Variants in REDIC1 observed in about 807,000 individuals in gnomAD.
REDIC1 encodes the protein regulator of DNA class I crossover intermediates 1, also known as HEI10 Interacting Protein 1.
the REDIC1 span, among the ~76,000 whole-genome samples, chr12:39,882,065 A>T: frequency 6.6e-6 from 1 of 151,736 alleles, no homozygotes; most frequent in Admixed American, 6.6e-5. Flanking sequence ...CTGACATAAT[A>T]TGTCACTCTC....
chr12:39,846,556 T>C, the REDIC1 span, among the ~76,000 whole-genome samples: 2 of 152,144 alleles, frequency 1.3e-5, no homozygotes, highest in Non-Finnish European at 2.9e-5. Flanking sequence ...GGCTCAAGTG[T>C]TCCTCCTGCC....
chr12:39,712,073 CCGGT>C, the REDIC1 span, among the ~76,000 whole-genome samples: 35 of 46,912 alleles, frequency 7.5e-4, no homozygotes, highest in South Asian at 6.7e-3. Context: ...TGTATATATA[CCGGT>C]ATGTATATAT....
the REDIC1 span, among the ~76,000 whole-genome samples, chr12:39,665,852 A>G: frequency 6.6e-6 from 1 of 152,206 alleles, no homozygotes; most frequent in Non-Finnish European, 1.5e-5. Flanking sequence ...ATGGGAGTTC[A>G]CTCATGATTT....
At chr12:39,849,523 T>G in the REDIC1 span, among the ~76,000 whole-genome samples, 5 of 152,210 alleles carry the variant, frequency 3.3e-5, no homozygotes, top group African/African-American at 1.2e-4. Flanking sequence ...GAGGTGCTCA[T>G]GACTGCCTCT....
the REDIC1 span, among the ~76,000 whole-genome samples, chr12:39,900,346 T>C: frequency 2.6e-5 from 4 of 151,876 alleles, no homozygotes; most frequent in African/African-American, 9.7e-5. Flanking sequence ...GCCAGGGCGA[T>C]TAGGCAGAAA....
chr12:39,699,644 G>A, the REDIC1 span, among the ~76,000 whole-genome samples: 1 of 151,362 alleles, frequency 6.6e-6, no homozygotes, highest in Non-Finnish European at 1.5e-5. Context: ...CACCTCTGGG[G>A]GCAGGGCACA....
the REDIC1 span, chr12:39,646,227 T>G: frequency 2.8e-6 from 1 of 354,682 alleles, no homozygotes; most frequent in Non-Finnish European, 5.0e-6. Flanking sequence ...TTAGTAAAAT[T>G]TCTTAGATAT....
At chr12:39,676,351 C>G in the REDIC1 span, among the ~76,000 whole-genome samples, 1 of 152,068 alleles carries the variant, frequency 6.6e-6, no homozygotes, top group East Asian at 1.9e-4. Context: ...GAAGAAAGAA[C>G]TTGAGTTTGA....
the REDIC1 span, among the ~76,000 whole-genome samples, chr12:39,725,587 A>G: frequency 3.9e-5 from 6 of 152,210 alleles, no homozygotes; most frequent in Admixed American, 3.3e-4. Context: ...CCTGTTGCTC[A>G]AGAGGTACCA....
chr12:39,716,979 A>T, the REDIC1 span: 1 of 482,366 alleles, frequency 2.1e-6, no homozygotes, highest in Non-Finnish European at 3.3e-6. Context: ...AAGGTAAAAA[A>T]TTTTAAAAAG....
the REDIC1 span, among the ~76,000 whole-genome samples, chr12:39,812,450 T>C: frequency 2.6e-5 from 4 of 151,248 alleles, no homozygotes; most frequent in Non-Finnish European, 5.9e-5. Flanking sequence ...TTTCTTCTCT[T>C]TCTTTCTTTC....
chr12:39,817,577 G>C, the REDIC1 span, among the ~76,000 whole-genome samples: 1 of 152,082 alleles, frequency 6.6e-6, no homozygotes, highest in Non-Finnish European at 1.5e-5. Context: ...CAGCTAAGGG[G>C]GTTAGTGAAA....
At chr12:39,892,112 T>C in the REDIC1 span, among the ~76,000 whole-genome samples, 1 of 152,236 alleles carries the variant, frequency 6.6e-6, no homozygotes, top group African/African-American at 2.4e-5. Flanking sequence ...TACTGCAGTT[T>C]ACATTCCCAC....
chr12:39,790,215 TCTTC>T, the REDIC1 span, among the ~76,000 whole-genome samples: 239 of 144,342 alleles, frequency 1.7e-3, 2 homozygotes, highest in African/African-American at 5.2e-3. Context: ...GTTTTTTTTT[TCTTC>T]TTCTTCTTTT....
chr12:39,811,226 T>G, the REDIC1 span, among the ~76,000 whole-genome samples: 1 of 152,082 alleles, frequency 6.6e-6, no homozygotes, highest in African/African-American at 2.4e-5. Context: ...CAGCTATGAC[T>G]TAATCTGCTT....
At chr12:39,809,297 G>A in the REDIC1 span, among the ~76,000 whole-genome samples, 1 of 152,064 alleles carries the variant, frequency 6.6e-6, no homozygotes, top group Non-Finnish European at 1.5e-5. Context: ...ACATCACATT[G>A]TCTGGATTAC....
At chr12:39,646,347 C>T in the REDIC1 span, 1 of 1,324,904 alleles carries the variant, frequency 7.5e-7, no homozygotes, top group Non-Finnish European at 9.9e-7. Flanking sequence ...AGAAAACCAA[C>T]CCATGTGAAC....
At chr12:39,901,396 G>T in the REDIC1 span, among the ~76,000 whole-genome samples, 1 of 149,566 alleles carries the variant, frequency 6.7e-6, no homozygotes, top group Admixed American at 6.7e-5. Context: ...CCATCAGAGT[G>T]AACAGACAAC....
the REDIC1 span, among the ~76,000 whole-genome samples, chr12:39,667,618 T>TC: frequency 6.6e-6 from 1 of 152,002 alleles, no homozygotes; most frequent in African/African-American, 2.4e-5. Context: ...TTCCTGGATA[T>TC]CTTGTTAACT....
Sources: gnomAD v4.1 joint callset for allele counts (sites outside exome capture counted in the v4.1 genomes callset) on GRCh38, gnomAD v4.1.1 for gene constraint, MANE v1.5 for transcripts, NCBI Gene and HGNC (gene_info 2026-07-23, HGNC 2026-07-21) for gene names.